PPM1A: variants seen among roughly 807,000 people sequenced by gnomAD.
The protein encoded by PPM1A is protein phosphatase 1A.
PPM1A carries 7 observed loss-of-function variants against 35.0 expected under a neutral mutation model. The observed-to-expected ratio is 0.20, with a 90% confidence interval of 0.11 to 0.38. The LOEUF is 0.38. Among genes scored for constraint, PPM1A ranks in the 10% least tolerant of loss-of-function variants. The pLI is 1.00. For missense variants in PPM1A, 239 were observed against 467.8 expected, an observed-to-expected ratio of 0.51 and a Z score of 4.51; for synonymous variants, 153 against 167.3, an observed-to-expected ratio of 0.91 and a Z score of 0.66.
At chr14:60,272,383 T>G (rs1595321874) in intron 1 of PPM1A, among the ~76,000 whole-genome samples, 2 of 144,174 alleles carry the variant, frequency 1.4e-5, no homozygotes, top group Non-Finnish European at 1.5e-5. Flanking sequence ...CTAGGGGGAG[T>G]GTTGGGGGGA....
Position 60,283,398 on chromosome 14 carries a change from A to T in PPM1A, c.695A>T (p.Gln232Leu). 1.2e-6 allele frequency: 2 copies of T among 1,614,234 alleles called. No individual in the cohort carries two copies. Among genetic ancestry groups the T allele is most frequent in the Non-Finnish European group, 1.7e-6 (2 of 1,180,040 alleles). Residue 232 changes from glutamine to leucine, a missense_variant, in exon 2 of 6, where the codon CAG becomes CTG. Gln to Leu is a moderately radical substitution (Grantham distance 113). This residue lies in a region of PPM1A where 175 missense variants were observed against 389.2 expected (regional missense o/e 0.45). Coordinates refer to ENST00000395076, the MANE Select transcript of PPM1A (RefSeq NM_021003.5). The surrounding 1 kb of genome is among the most constrained non-coding windows in gnomAD (Gnocchi z 6.3). The stretch of plus-strand genomic sequence containing the variant: ...ATTGAAAGATCTGAAGAAGATGATC[A>T]GTTCATTATCCTTGCATGTGATGGT... Reference protein sequence around the residue: ...HDIERSEEDDQFIILACDGIW... With the variant: ...HDIERSEEDDLFIILACDGIW...
chr14:60,270,744 A>G (rs946395653), intron 1 of PPM1A, among the ~76,000 whole-genome samples: 2 of 143,754 alleles, frequency 1.4e-5, no homozygotes, highest in African/African-American at 2.9e-5. Context: ...TTTAGTTATC[A>G]TATTTCATTA....
At chr14:60,251,417 A>T (rs1882400344) in intron 1 of PPM1A, among the ~76,000 whole-genome samples, 1 of 152,118 alleles carries the variant, frequency 6.6e-6, no homozygotes, top group Non-Finnish European at 1.5e-5. Context: ...ATCTTTTTAC[A>T]TGAGGGGCTG....
chr14:60,257,500 G>A (rs1273366079), intron 1 of PPM1A, among the ~76,000 whole-genome samples: 2 of 152,138 alleles, frequency 1.3e-5, no homozygotes, highest in Non-Finnish European at 2.9e-5. Flanking sequence ...CTGGTGTTTT[G>A]TATTCATCTA....
intron 1 of PPM1A, among the ~76,000 whole-genome samples, chr14:60,266,144 C>G (rs1884352911): frequency 1.3e-5 from 2 of 152,064 alleles, no homozygotes; most frequent in Non-Finnish European, 2.9e-5. Context: ...CAGGATTGGT[C>G]ATTGCTCCAT....
intron 1 of PPM1A, among the ~76,000 whole-genome samples, chr14:60,253,150 A>G (rs537651238): frequency 2.0e-5 from 3 of 152,252 alleles, no homozygotes; most frequent in East Asian, 1.9e-4. Context: ...TTGAGTTTTT[A>G]TAATTCTTAA....
At chr14:60,284,678 C>CATAT (rs1403767764) in intron 2 of PPM1A, among the ~76,000 whole-genome samples, 29 of 129,926 alleles carry the variant, frequency 2.2e-4, no homozygotes, top group African/African-American at 5.3e-4. Context: ...AATTAATGAG[C>CATAT]GTATGTATAT....
At position 60,289,759 on chromosome 14, in the gene PPM1A, A is replaced by G. The variant is rs748198672; in HGVS notation, c.953-47A>G. The G allele has an allele frequency of 7.8e-7, 1 of 1,274,368 alleles. No individual in the cohort carries two copies. The highest frequency in any genetic ancestry group is 1.9e-5 in the Admixed American group (1 of 52,488). The allele number at this position is 1,274,368 out of a possible 1,614,324, so 78.9% of individuals were successfully genotyped here. On this transcript the variant is annotated intron_variant, in intron 3 of 5. Transcript: ENST00000395076. The surrounding 1 kb of genome is among the most constrained non-coding windows in gnomAD (Gnocchi z 4.1). ...TTATCTTTGTTTCGGTTTTCTTTTC[A>G]ATTAAATTTGGATAACACTTACAAA...
chr14:60,267,039 T>C (rs1884468186), intron 1 of PPM1A, among the ~76,000 whole-genome samples: 1 of 152,190 alleles, frequency 6.6e-6, no homozygotes, highest in Non-Finnish European at 1.5e-5. Flanking sequence ...TTTTCATATA[T>C]GGTTTTCTAT....
intron 2 of PPM1A, among the ~76,000 whole-genome samples, chr14:60,284,437 C>T (rs983774154): frequency 1.3e-5 from 2 of 151,954 alleles, no homozygotes; most frequent in Non-Finnish European, 2.9e-5. Flanking sequence ...GTCAGGAGAT[C>T]GAGACCATCC....
rs1217663533 is a variant in PPM1A, at chr14:60,286,710, C to T, written c.952+969C>T. 3.1e-6 allele frequency: 3 copies of T among 983,240 alleles called. No individual in the cohort carries two copies. In the African/African-American group the frequency reaches 5.3e-5, roughly 17 times the overall value. The allele number at this position is 983,240 out of a possible 1,614,324, so 60.9% of individuals were successfully genotyped here. A position where few individuals can be genotyped will look rare whatever the true frequency, so the allele number is the denominator to read the frequency against. On this transcript the variant is annotated intron_variant, in intron 3 of 5. Transcript: ENST00000395076. The stretch of plus-strand genomic sequence containing the variant: ...TTTTCCCCTTTTTACTGTTTGATAC[C>T]AATCATAATCAGTCTGATACTAGAA...
intron 1 of PPM1A, among the ~76,000 whole-genome samples, chr14:60,271,073 G>C (rs774882315): frequency 2.0e-5 from 3 of 152,174 alleles, no homozygotes; most frequent in Non-Finnish European, 4.4e-5. Context: ...TCACTCCCGA[G>C]GCTTTAAGGA....
upstream of PPM1A, among the ~76,000 whole-genome samples, chr14:60,248,991 G>A (rs1881981715): frequency 6.6e-6 from 1 of 152,176 alleles, no homozygotes; most frequent in South Asian, 2.1e-4. Context: ...GGCAAAGGCG[G>A]CGGCAGCAGC....
intron 1 of PPM1A, among the ~76,000 whole-genome samples, chr14:60,263,033 A>G (rs943689728): frequency 3.3e-5 from 5 of 152,142 alleles, no homozygotes; most frequent in Non-Finnish European, 7.4e-5. Flanking sequence ...CCCGGCCAAC[A>G]TGGCGAAACC....
At chr14:60,272,759 C>T (rs925253935) in intron 1 of PPM1A, among the ~76,000 whole-genome samples, 3 of 149,478 alleles carry the variant, frequency 2.0e-5, no homozygotes, top group African/African-American at 7.4e-5. Context: ...TCTTTATATC[C>T]ATATCCATTA....
rs989326275 is a variant in PPM1A, at chr14:60,268,350, T to C, written c.-20-14334T>C. On this transcript the variant is annotated intron_variant, in intron 1 of 5. Coordinates refer to ENST00000395076, the MANE Select transcript of PPM1A (RefSeq NM_021003.5). ...AAAAAAAAATTTGTTTTCCGAGAAC[T>C]GTTACTTTCCTCCATATTTTCAAAT... The C allele has an allele frequency of 7.2e-6, 7 of 977,576 alleles. No homozygotes were observed. In the South Asian group the frequency reaches 2.8e-4, roughly 40 times the overall value. 60.6% of individuals were successfully genotyped at this position (977,576 alleles called of 1,614,324 possible).
In PPM1A at chr14:60,249,406, C is replaced by T; in HGVS notation, c.-292C>T. 2 of 984,808 alleles carry T rather than the reference C, an allele frequency of 2.0e-6. No homozygotes were observed. The highest frequency in any genetic ancestry group is 2.4e-6 in the Non-Finnish European group (2 of 829,938). The allele number at this position is 984,808 out of a possible 1,614,324, so 61.0% of individuals were successfully genotyped here. On this transcript the variant is annotated 5_prime_UTR_variant, in exon 1 of 6. Coordinates refer to ENST00000395076, the MANE Select transcript of PPM1A (RefSeq NM_021003.5). The surrounding 1 kb of genome is among the most constrained non-coding windows in gnomAD (Gnocchi z 4.5). ...CAGCTGAGGCGCGAAAGCGATGAGT[C>T]CTCGGCTCTTCCTCCTCCTTCTCCG...
At chr14:60,278,703 GT>G (rs1886048412) in intron 1 of PPM1A, among the ~76,000 whole-genome samples, 1 of 152,170 alleles carries the variant, frequency 6.6e-6, no homozygotes, top group Non-Finnish European at 1.5e-5. Flanking sequence ...CTATTCTAAA[GT>G]TTGTCTGTAT....
At chr14:60,284,685 A>G (rs549198132) in intron 2 of PPM1A, among the ~76,000 whole-genome samples, 24 of 121,264 alleles carry the variant, frequency 2.0e-4, no homozygotes, top group South Asian at 7.3e-4. Flanking sequence ...GAGCGTATGT[A>G]TATATATATA....
Sources: gnomAD v4.1 joint callset for allele counts (sites outside exome capture counted in the v4.1 genomes callset) on GRCh38, gnomAD v4.1.1 for gene constraint, gnomAD v4.1.1 regional missense constraint, Gnocchi (gnomAD v3.1) non-coding constraint, MANE v1.5 for transcripts, NCBI Gene and HGNC (gene_info 2026-07-23, HGNC 2026-07-21) for gene names.